The following FANCC variants were observed in gnomAD, a reference collection of about 807,000 sequenced individuals.
FANCC encodes the protein Fanconi anemia group C protein.
In FANCC, 55 loss-of-function variants were observed where a neutral mutation model predicts 71.3. That is an observed-to-expected ratio of 0.77 (90% CI 0.62 to 0.97). The LOEUF is 0.97. Among genes scored for constraint, FANCC ranks in the 50% least tolerant of loss-of-function variants. The pLI is 0.00. For synonymous variants in FANCC, 275 were observed against 244.9 expected, an observed-to-expected ratio of 1.12 and a Z score of -1.15; for missense variants, 678 against 670.9, an observed-to-expected ratio of 1.01 and a Z score of -0.12.
chr9:95,278,430 T>A (rs1588406144), intron 1 of FANCC, among the ~76,000 whole-genome samples: 1 of 152,260 alleles, frequency 6.6e-6, no homozygotes, highest in East Asian at 1.9e-4. Context: ...AGAAAAAAGA[T>A]CGAGAAAATA....
intron 1 of FANCC, among the ~76,000 whole-genome samples, chr9:95,295,020 A>C (rs1172236667): frequency 6.6e-6 from 1 of 152,232 alleles, no homozygotes; most frequent in African/African-American, 2.4e-5. Flanking sequence ...GATCTAAAAA[A>C]AAAGAAAAAT....
intron 6 of FANCC, among the ~76,000 whole-genome samples, chr9:95,162,296 T>C (rs1830797415): frequency 6.6e-6 from 1 of 152,244 alleles, no homozygotes; most frequent in African/African-American, 2.4e-5. Context: ...TTCCTTCTTT[T>C]CTAAGGTGGA....
intron 6 of FANCC, among the ~76,000 whole-genome samples, chr9:95,170,690 A>G (rs1009710411): frequency 1.5e-5 from 1 of 68,062 alleles, no homozygotes; most frequent in Non-Finnish European, 3.5e-5. Context: ...TGGGAGCAGA[A>G]GAAGGCAGAG....
intron 4 of FANCC, among the ~76,000 whole-genome samples, chr9:95,207,876 G>A (rs994338347): frequency 6.6e-5 from 10 of 152,080 alleles, no homozygotes; most frequent in East Asian, 5.8e-4. Context: ...GTGTGTGTAC[G>A]TGTGTGTCTG....
At chr9:95,161,676 C>G (rs978411153) in intron 6 of FANCC, among the ~76,000 whole-genome samples, 2 of 152,134 alleles carry the variant, frequency 1.3e-5, no homozygotes, top group African/African-American at 2.4e-5. Flanking sequence ...CCATTTTTAA[C>G]TATACAGTAC....
At chr9:95,117,418 C>T in intron 10 of FANCC, 28 bp from the exon 11 acceptor site, 2 of 1,598,108 alleles carry the variant, frequency 1.3e-6, no homozygotes, top group South Asian at 1.1e-5. Flanking sequence ...ATCCAAAGAG[C>T]ATGAACATTA....
At chr9:95,294,347 C>CTCT (rs1564835980) in intron 1 of FANCC, 1 of 1,588,578 alleles carries the variant, frequency 6.3e-7, no homozygotes, top group East Asian at 2.2e-5. Context: ...TCACTGGACA[C>CTCT]AGAGACTCAA....
chr9:95,212,763 T>A (rs1034324895), intron 4 of FANCC, among the ~76,000 whole-genome samples: 3 of 152,218 alleles, frequency 2.0e-5, no homozygotes, highest in Non-Finnish European at 4.4e-5. Flanking sequence ...TAATATACTG[T>A]GGGTTTATAA....
intron 8 of FANCC, among the ~76,000 whole-genome samples, chr9:95,131,443 G>C (rs1366106349): frequency 1.3e-5 from 2 of 152,172 alleles, no homozygotes; most frequent in Non-Finnish European, 2.9e-5. Flanking sequence ...CTGGCCACAA[G>C]GTCTGCATCC....
chr9:95,280,784 A>G (rs1164740199), intron 1 of FANCC, among the ~76,000 whole-genome samples: 1 of 152,214 alleles, frequency 6.6e-6, no homozygotes, highest in East Asian at 1.9e-4. Context: ...GTTTTAAGGA[A>G]ATTTGGCTAA....
At chr9:95,131,639 T>C (rs1826927637) in intron 8 of FANCC, among the ~76,000 whole-genome samples, 1 of 152,218 alleles carries the variant, frequency 6.6e-6, no homozygotes, top group African/African-American at 2.4e-5. Flanking sequence ...CTAAATTATC[T>C]ACTTCAGCTC....
At chr9:95,140,889 A>G (rs1334749327) in intron 7 of FANCC, among the ~76,000 whole-genome samples, 1 of 152,282 alleles carries the variant, frequency 6.6e-6, no homozygotes, top group East Asian at 1.9e-4. Flanking sequence ...ACCAACAAGC[A>G]GAAGAAATGT....
chr9:95,252,287 AAAAAAAAG>A (rs1305468876), intron 1 of FANCC, among the ~76,000 whole-genome samples: 1 of 149,510 alleles, frequency 6.7e-6, no homozygotes, highest in East Asian at 1.9e-4. Context: ...AAAAAAAAAA[AAAAAAAAG>A]AAAAAAAAAA....
intron 1 of FANCC, among the ~76,000 whole-genome samples, chr9:95,299,521 T>C (rs1251810357): frequency 6.6e-6 from 1 of 152,200 alleles, no homozygotes; most frequent in East Asian, 1.9e-4. Context: ...CCTTAGTCAA[T>C]ACTTAACCCT....
intron 4 of FANCC, among the ~76,000 whole-genome samples, chr9:95,235,451 G>A (rs181444980): frequency 6.6e-6 from 1 of 152,330 alleles, no homozygotes; most frequent in African/African-American, 2.4e-5. Flanking sequence ...ATAAGTTACA[G>A]GTGGATCACA....
chr9:95,238,123 T>G lies in FANCC; in HGVS notation c.345+2526A>C, dbSNP rs139875379. Among the ~76,000 whole-genome samples, 121 of 152,276 alleles carry G rather than the reference T, an allele frequency of 7.9e-4. 2 individuals are homozygous for G. The East Asian group carries it at 0.018, about 22-fold the overall frequency. On this transcript the variant is annotated intron_variant, in intron 4 of 14. Coordinates refer to ENST00000289081, the MANE Select transcript of FANCC (RefSeq NM_000136.3). ...CCTTACATTCTGTAGCATCAATCAT[T>G]CTTCCACTTCCCCTTAAGGTCAGTG...
At chr9:95,284,873 C>CAT (rs1458670011) in intron 1 of FANCC, among the ~76,000 whole-genome samples, 1 of 104,800 alleles carries the variant, frequency 9.5e-6, no homozygotes, top group Admixed American at 1.0e-4. Context: ...CACACACACA[C>CAT]ACATACACAC....
At chr9:95,268,681 G>GTCACA (rs1832539875) in intron 1 of FANCC, among the ~76,000 whole-genome samples, 2 of 152,176 alleles carry the variant, frequency 1.3e-5, no homozygotes, top group Admixed American at 6.5e-5. Flanking sequence ...TGGATAAACA[G>GTCACA]TCACATTTTT....
At chr9:95,261,625 T>A (rs1331467896) in intron 1 of FANCC, among the ~76,000 whole-genome samples, 2 of 152,166 alleles carry the variant, frequency 1.3e-5, no homozygotes, top group African/African-American at 4.8e-5. Flanking sequence ...CCCTAAGGAA[T>A]CAAAACAAAC....
Sources: allele counts gnomAD v4.1 joint callset (sites outside exome capture counted in the v4.1 genomes callset), GRCh38; gene constraint gnomAD v4.1.1; transcripts MANE v1.5; gene names NCBI Gene and HGNC (gene_info 2026-07-23, HGNC 2026-07-21).